The following DIAPH3 variants were observed in gnomAD, a reference collection of about 807,000 sequenced individuals.
The protein encoded by DIAPH3 is diaphanous related formin 3.
In DIAPH3, 117 loss-of-function variants were observed where a neutral mutation model predicts 144.3. The ratio of observed to expected loss-of-function variants is 0.81; its 90% CI spans 0.70 to 0.95. The LOEUF (loss-of-function observed/expected upper bound fraction) is 0.95. DIAPH3 is among the 40% of genes least tolerant of loss of function. The pLI is 0.00. For missense variants in DIAPH3, 1,421 were observed against 1,412.7 expected, an observed-to-expected ratio of 1.01 and a Z score of -0.09; for synonymous variants, 519 against 488.9, an observed-to-expected ratio of 1.06 and a Z score of -0.81.
intron 21 of DIAPH3, among the ~76,000 whole-genome samples, chr13:59,862,540 C>A (rs1319406163): frequency 6.6e-6 from 1 of 152,046 alleles, no homozygotes; most frequent in East Asian, 1.9e-4. Flanking sequence ...GGTGTGGAAA[C>A]CCAGGTGATG....
At chr13:59,838,112 T>G (rs985575699) in intron 23 of DIAPH3, 1 of 152,124 alleles carries the variant, frequency 6.6e-6, no homozygotes, top group African/African-American at 2.4e-5. Context: ...GAGTGTCTAT[T>G]TATAAGAGCT....
chr13:59,807,221 T>TTCAGAAC (rs2040244472), intron 25 of DIAPH3, among the ~76,000 whole-genome samples: 1 of 151,362 alleles, frequency 6.6e-6, no homozygotes, highest in Non-Finnish European at 1.5e-5. Flanking sequence ...CTAAGGACCA[T>TTCAGAAC]CATCATCATT....
At chr13:60,064,570 T>C (rs1594558767) in intron 4 of DIAPH3, among the ~76,000 whole-genome samples, 1 of 152,178 alleles carries the variant, frequency 6.6e-6, no homozygotes, top group Non-Finnish European at 1.5e-5. Context: ...CTGAAGAGAG[T>C]TAGGGCCTTG....
chr13:59,925,242 A>AATTGGATTATG (rs1171139974), intron 17 of DIAPH3, among the ~76,000 whole-genome samples: 1 of 152,164 alleles, frequency 6.6e-6, no homozygotes, highest in Admixed American at 6.5e-5. Context: ...CAAGTATATT[A>AATTGGATTATG]ATTGGATTAT....
chr13:59,862,335 T>C (rs1045757245), intron 21 of DIAPH3, among the ~76,000 whole-genome samples: 6 of 152,172 alleles, frequency 3.9e-5, no homozygotes, highest in Admixed American at 1.3e-4. Flanking sequence ...AATATAAGTT[T>C]TCCAACTAGA....
intron 12 of DIAPH3, among the ~76,000 whole-genome samples, chr13:59,989,395 ATTT>A (rs1356670179): frequency 6.6e-6 from 1 of 151,938 alleles, no homozygotes; most frequent in African/African-American, 2.4e-5. Context: ...TTTTTAAGAA[ATTT>A]TTTTAAAGAA....
chr13:60,063,979 A>G (rs1404756472), intron 4 of DIAPH3, among the ~76,000 whole-genome samples: 1 of 152,186 alleles, frequency 6.6e-6, no homozygotes, highest in Non-Finnish European at 1.5e-5. Flanking sequence ...GAACTCTTGG[A>G]TGACTAAATG....
At chr13:60,015,849 T>G in intron 7 of DIAPH3, 64 bp downstream of exon 7, 1 of 1,387,240 alleles carries the variant, frequency 7.2e-7, no homozygotes, top group South Asian at 1.2e-5. Flanking sequence ...ATCACTTTAC[T>G]GCAACTGAAA....
Position 60,143,819 on chromosome 13 carries a change from G to A in DIAPH3, c.181-10830C>T, listed in dbSNP as rs149875895. Among the ~76,000 whole-genome samples the A allele has an allele frequency of 5.3e-5, 8 of 152,286 alleles. No individual in the cohort carries two copies. In the East Asian group the frequency reaches 1.5e-3, roughly 29 times the overall value. ...ATATGGGGGTTGAAAAATCTATGCAGTGGCAGTTTCCTAATGCCATCCCCA... is the reference window on the plus strand; with the variant it reads ...ATATGGGGGTTGAAAAATCTATGCAATGGCAGTTTCCTAATGCCATCCCCA... On this transcript the variant is annotated intron_variant, in intron 1 of 27. Transcript: ENST00000400324.
chr13:60,138,462 A>C (rs868018895), intron 1 of DIAPH3, among the ~76,000 whole-genome samples: 2 of 152,238 alleles, frequency 1.3e-5, no homozygotes, highest in Non-Finnish European at 2.9e-5. Context: ...TAAGAAGTAC[A>C]AGAGTATTTC....
At chr13:59,920,970 A>C (rs570932226) in intron 18 of DIAPH3, among the ~76,000 whole-genome samples, 60 of 151,968 alleles carry the variant, frequency 3.9e-4, no homozygotes, top group South Asian at 1.2e-3. Context: ...ATGAAAACTA[A>C]ACAACATGCT....
chr13:60,063,758 C>T (rs1206969679), intron 4 of DIAPH3, among the ~76,000 whole-genome samples: 1 of 152,042 alleles, frequency 6.6e-6, no homozygotes, highest in Non-Finnish European at 1.5e-5. Context: ...GAAACCCTGT[C>T]TCTACTAAAA....
At chr13:59,756,733 C>G (rs928003101) in intron 27 of DIAPH3, among the ~76,000 whole-genome samples, 1 of 152,156 alleles carries the variant, frequency 6.6e-6, no homozygotes, top group Admixed American at 6.5e-5. Flanking sequence ...ATCTGAGGTT[C>G]CAGCTATTTC....
At chr13:59,754,256 C>T (rs2037150986) in intron 27 of DIAPH3, among the ~76,000 whole-genome samples, 1 of 152,166 alleles carries the variant, frequency 6.6e-6, no homozygotes, top group South Asian at 2.1e-4. Context: ...TTTGCTGTCA[C>T]AGATCTGGGT....
chr13:59,904,393 T>C (rs2046617218), intron 20 of DIAPH3, among the ~76,000 whole-genome samples: 1 of 152,214 alleles, frequency 6.6e-6, no homozygotes, highest in African/African-American at 2.4e-5. Flanking sequence ...ACTTTAAATA[T>C]ATGCCATTTA....
intron 18 of DIAPH3, among the ~76,000 whole-genome samples, chr13:59,921,478 GA>G (rs1219121303): frequency 2.7e-5 from 4 of 150,886 alleles, no homozygotes; most frequent in Admixed American, 6.6e-5. Flanking sequence ...GGATAACCTA[GA>G]AAAAAAATGG....
At chr13:59,824,055 T>A (rs562579761) in intron 24 of DIAPH3, among the ~76,000 whole-genome samples, 1 of 152,212 alleles carries the variant, frequency 6.6e-6, no homozygotes, top group South Asian at 2.1e-4. Flanking sequence ...TTTATCTAGA[T>A]GAAACATAAA....
At chr13:60,134,558 T>C (rs770910307) in intron 1 of DIAPH3, among the ~76,000 whole-genome samples, 74 of 152,230 alleles carry the variant, frequency 4.9e-4, no homozygotes, top group Non-Finnish European at 2.4e-4. Flanking sequence ...AACAGCCTGT[T>C]GTATGTGTGC....
At chr13:59,927,352 C>A (rs1276306077) in intron 17 of DIAPH3, among the ~76,000 whole-genome samples, 3 of 152,106 alleles carry the variant, frequency 2.0e-5, no homozygotes, top group African/African-American at 7.2e-5. Context: ...TTACTTCTGT[C>A]ATTTTGTTGA....
Sources: gnomAD v4.1 joint callset for allele counts (sites outside exome capture counted in the v4.1 genomes callset) on GRCh38, gnomAD v4.1.1 for gene constraint, MANE v1.5 for transcripts, NCBI Gene and HGNC (gene_info 2026-07-23, HGNC 2026-07-21) for gene names.